WDR72: variants seen among roughly 807,000 people sequenced by gnomAD.
WDR72 encodes WD repeat domain 72.
In WDR72, 120 loss-of-function variants were observed where a neutral mutation model predicts 124.2. The ratio of observed to expected loss-of-function variants is 0.97; its 90% CI spans 0.83 to 1.12. The LOEUF is 1.12. WDR72 is among the 50% of genes most tolerant of loss of function. WDR72 has a pLI of 0.00. For synonymous variants in WDR72, 452 were observed against 441.7 expected (o/e 1.02, Z -0.29); for missense variants, 1,387 against 1,278.8 (o/e 1.08, Z -1.29).
At chr15:53,669,733 G>C (rs983606843) in intron 13 of WDR72, among the ~76,000 whole-genome samples, 3 of 152,066 alleles carry the variant, frequency 2.0e-5, no homozygotes, top group African/African-American at 7.2e-5. Flanking sequence ...CAAAAAGGGA[G>C]GTATGACTAC....
chr15:53,714,700 T>G (rs566914872), intron 5 of WDR72, among the ~76,000 whole-genome samples, 190 bp from the exon 6 acceptor site: 1 of 152,152 alleles, frequency 6.6e-6, no homozygotes, highest in Non-Finnish European at 1.5e-5. Flanking sequence ...AATTTCAAAG[T>G]GATTCCTAGG....
At chr15:53,671,837 A>T (rs1182748454) in intron 13 of WDR72, among the ~76,000 whole-genome samples, 1 of 152,110 alleles carries the variant, frequency 6.6e-6, no homozygotes, top group Non-Finnish European at 1.5e-5. Flanking sequence ...TGCTTCGTGG[A>T]CTACAGAACA....
chr15:53,630,430 T>C (rs2014381453), intron 14 of WDR72, among the ~76,000 whole-genome samples: 2 of 152,068 alleles, frequency 1.3e-5, no homozygotes, highest in Non-Finnish European at 2.9e-5. Context: ...TACAGACCAA[T>C]AACCCTTATA....
intron 13 of WDR72, among the ~76,000 whole-genome samples, chr15:53,677,288 CTAGT>C (rs2016208817): frequency 1.3e-5 from 2 of 152,144 alleles, no homozygotes; most frequent in South Asian, 2.1e-4. Context: ...AGTGTGATGG[CTAGT>C]TAGACATTTC....
Position 53,733,036 on chromosome 15 carries a change from C to T in WDR72, c.114G>A (p.Glu38=), listed in dbSNP as rs1470866961. 6.2e-7 allele frequency: 1 copy of T among 1,613,946 alleles called. No individual in the cohort carries two copies. The highest frequency in any genetic ancestry group is 1.3e-5 in the African/African-American group (1 of 74,884). ...AGAGATTCCAGAGACAGAGCTGACCCTCTTGACTTCCAGTCACAATCGTTC... is the reference window on the plus strand; with the variant it reads ...AGAGATTCCAGAGACAGAGCTGACCTTCTTGACTTCCAGTCACAATCGTTC... ...DQRTIVTGSQ[E]GQLCLWNLSH... is the part of the protein sequence containing the mutation. The change falls in exon 2 of 20, where the codon GAG becomes GAA. Residue 38 remains glutamate, a synonymous_variant. Transcript: ENST00000360509.
chr15:53,669,681 T>C (rs1368053795), intron 13 of WDR72, among the ~76,000 whole-genome samples: 2 of 152,200 alleles, frequency 1.3e-5, no homozygotes, highest in Admixed American at 1.3e-4. Context: ...ACTTCAGAGA[T>C]ATATTTAAAC....
At chr15:53,684,911 C>G (rs148098442) in intron 13 of WDR72, among the ~76,000 whole-genome samples, 9 of 152,272 alleles carry the variant, frequency 5.9e-5, no homozygotes, top group African/African-American at 2.2e-4. Flanking sequence ...CCCCTGACCC[C>G]GAGCAGCCTA....
chr15:53,651,928 C>G lies in WDR72; in HGVS notation c.1962+13644G>C, dbSNP rs1266477955. 3 of 152,332 alleles carry G rather than the reference C, an allele frequency of 2.0e-5. No homozygotes were observed. In the East Asian group the frequency reaches 5.8e-4, roughly 29 times the overall value. 9.4% of individuals were successfully genotyped at this position (152,332 alleles called of 1,614,324 possible). ...TCTGCCTCCCAAAATGCTGGGATTG[C>G]AGGAGTGAGCCACTGCGCCCAGTCC... On this transcript the variant is annotated intron_variant, in intron 14 of 19. Transcript: ENST00000360509.
intron 14 of WDR72, among the ~76,000 whole-genome samples, chr15:53,641,626 G>A (rs1231559681): frequency 1.3e-5 from 2 of 151,828 alleles, no homozygotes; most frequent in Admixed American, 1.3e-4. Context: ...ATATCATTTT[G>A]TTAAATTAAG....
intron 18 of WDR72, among the ~76,000 whole-genome samples, chr15:53,572,607 A>C (rs959913592): frequency 6.6e-6 from 1 of 152,318 alleles, no homozygotes; most frequent in Admixed American, 6.5e-5. Flanking sequence ...AATGAAAAAA[A>C]ATTTCTTTGT....
rs147236172 is a variant in WDR72 at position 53,597,090 on chromosome 15, A to C, written c.3137T>G (p.Leu1046Trp). The C allele has an allele frequency of 3.7e-6, 6 of 1,613,762 alleles. No individual in the cohort carries two copies. Among genetic ancestry groups the C allele is most frequent in the Non-Finnish European group, 5.1e-6 (6 of 1,179,810 alleles). Residue 1046 changes from leucine to tryptophan, a missense_variant, in exon 18 of 20, where the codon TTG becomes TGG. Physicochemically the swap from Leu to Trp is moderately conservative, Grantham distance 61. Coordinates refer to ENST00000360509, the MANE Select transcript of WDR72 (RefSeq NM_182758.4). Reference sequence around the variant, plus strand: ...AATTTTGTACTTACTTTGCAGAGGCAAAGTGTTTCTAACACACTGTAACTC... The same window carrying C: ...AATTTTGTACTTACTTTGCAGAGGCCAAGTGTTTCTAACACACTGTAACTC... ...ELELQCVRNT[L>W]PLQTPVSPVK...
At chr15:53,586,080 T>C (rs1242386749) in intron 18 of WDR72, among the ~76,000 whole-genome samples, 1 of 152,064 alleles carries the variant, frequency 6.6e-6, no homozygotes, top group African/African-American at 2.4e-5. Flanking sequence ...TTTTGGAAAG[T>C]AGAAACCACA....
intron 14 of WDR72, among the ~76,000 whole-genome samples, chr15:53,633,989 C>T (rs958400819): frequency 6.6e-6 from 1 of 152,018 alleles, no homozygotes; most frequent in African/African-American, 2.4e-5. Context: ...TTAAAAGAAA[C>T]AGTATCTGCT....
chr15:53,523,636 A>G (rs1159162119), intron 18 of WDR72, among the ~76,000 whole-genome samples: 1 of 152,032 alleles, frequency 6.6e-6, no homozygotes, highest in African/African-American at 2.4e-5. Flanking sequence ...ATCTAAAACA[A>G]TATAGTCAAT....
chr15:53,545,824 AC>A (rs1195870003), intron 18 of WDR72, among the ~76,000 whole-genome samples: 3 of 128,214 alleles, frequency 2.3e-5, no homozygotes, highest in Non-Finnish European at 5.0e-5. Context: ...CAAGAAAAAA[AC>A]AAACAACCCC....
At chr15:53,607,449 T>C (rs1271872403) in intron 17 of WDR72, among the ~76,000 whole-genome samples, 2 of 152,120 alleles carry the variant, frequency 1.3e-5, no homozygotes, top group Non-Finnish European at 2.9e-5. Context: ...CAATAAATGG[T>C]GCTGGGAAAT....
intron 13 of WDR72, among the ~76,000 whole-genome samples, chr15:53,674,798 C>T (rs1448680834): frequency 6.6e-6 from 1 of 152,104 alleles, no homozygotes; most frequent in Non-Finnish European, 1.5e-5. Context: ...CCACCATGAC[C>T]TTAACCCCAG....
chr15:53,550,436 C>A (rs1043064593), intron 18 of WDR72, among the ~76,000 whole-genome samples: 3 of 152,188 alleles, frequency 2.0e-5, no homozygotes, highest in Admixed American at 1.3e-4. Flanking sequence ...ACCAGCTGAG[C>A]TTCAGTTTTT....
chr15:53,607,108 C>T (rs1203448971), intron 17 of WDR72, among the ~76,000 whole-genome samples: 1 of 152,028 alleles, frequency 6.6e-6, no homozygotes, highest in Non-Finnish European at 1.5e-5. Context: ...TTCATCGAAT[C>T]AACGCACAAC....
Sources: gnomAD v4.1 joint callset for allele counts (sites outside exome capture counted in the v4.1 genomes callset) on GRCh38, gnomAD v4.1.1 for gene constraint, MANE v1.5 for transcripts, NCBI Gene and HGNC (gene_info 2026-07-23, HGNC 2026-07-21) for gene names.